PHF20L1: variants seen among roughly 807,000 people sequenced by gnomAD.
PHF20L1 encodes the protein PHD finger protein 20 like 1.
Under a neutral mutation model 125.5 loss-of-function variants are expected in PHF20L1, and 44 were observed. That is an observed-to-expected ratio of 0.35 (90% confidence interval 0.28 to 0.45). PHF20L1 has a LOEUF of 0.45. PHF20L1 is among the 20% of genes least tolerant of loss of function. PHF20L1 has a pLI of 1.00. For synonymous variants in PHF20L1, 380 were observed against 403.1 expected, an observed-to-expected ratio of 0.94 and a Z score of 0.69; for missense variants, 1,012 against 1,217.2, an observed-to-expected ratio of 0.83 and a Z score of 2.51.
chr8:132,826,046 A>G (rs1836140097), intron 14 of PHF20L1: 1 of 152,084 alleles, frequency 6.6e-6, no homozygotes, highest in Admixed American at 6.6e-5. Flanking sequence ...TGATTTAAGT[A>G]ACTTTGCTAT....
intron 2 of PHF20L1, among the ~76,000 whole-genome samples, chr8:132,790,642 A>G (rs1831580976): frequency 6.6e-6 from 1 of 152,256 alleles, no homozygotes; most frequent in Non-Finnish European, 1.5e-5. Flanking sequence ...CAATCTCTGA[A>G]CATGAGGTCT....
At chr8:132,808,391 G>A (rs1586943383) in intron 8 of PHF20L1, 1 of 151,898 alleles carries the variant, frequency 6.6e-6, no homozygotes, top group East Asian at 1.9e-4. Flanking sequence ...TACTACTTGT[G>A]GTACCTTATT....
chr8:132,847,813 G>A lies in PHF20L1; in HGVS notation c.*1890G>A, dbSNP rs867713796. The A allele has an allele frequency of 6.6e-6, 1 of 152,472 alleles. No individual in the cohort carries two copies. The highest frequency in any genetic ancestry group is 1.5e-5 in the Non-Finnish European group (1 of 67,962). The allele number at this position is 152,472 out of a possible 1,614,324, so 9.4% of individuals were successfully genotyped here. A position where few individuals can be genotyped will look rare whatever the true frequency, so the allele number is the denominator to read the frequency against. On this transcript the variant is annotated 3_prime_UTR_variant, in exon 21 of 21. Coordinates refer to ENST00000395386, the MANE Select transcript of PHF20L1 (RefSeq NM_016018.5). ...GCTTTAGCAGAGGTGGTATTGTGGG[G>A]TAATTGCTTAAATTTACATATCAAA... is the stretch of plus-strand genomic sequence containing the variant.
intron 1 of PHF20L1, 144 bp from the exon 2 acceptor site, chr8:132,777,648 A>G: frequency 1.9e-6 from 1 of 535,810 alleles, no homozygotes; most frequent in Non-Finnish European, 3.3e-6. Context: ...ATACTCCTTC[A>G]AATTTCTTAA....
intron 4 of PHF20L1, among the ~76,000 whole-genome samples, chr8:132,798,146 C>T (rs150470828): frequency 1.3e-5 from 2 of 152,088 alleles, no homozygotes; most frequent in African/African-American, 2.4e-5. Context: ...GTATTAATTA[C>T]GGCTGTGTTG....
chr8:132,798,921 A>AAAATATACATAT, intron 5 of PHF20L1, 61 bp downstream of exon 5: 1 of 1,184,524 alleles, frequency 8.4e-7, no homozygotes, highest in Non-Finnish European at 1.2e-6. Context: ...GTGACTGATC[A>AAAATATACATAT]AAATATATTT....
chr8:132,841,887 A>G (rs890371605), intron 18 of PHF20L1: 2 of 152,178 alleles, frequency 1.3e-5, no homozygotes, highest in East Asian at 1.9e-4. Context: ...CGACTGGTAC[A>G]TTTGTAACTC....
At chr8:132,794,199 G>C (rs138836359) in intron 2 of PHF20L1, among the ~76,000 whole-genome samples, 36 of 152,168 alleles carry the variant, frequency 2.4e-4, no homozygotes, top group African/African-American at 8.7e-4. Context: ...ATTTCTACTG[G>C]GAGTGTATCA....
chr8:132,821,128 C>T lies in PHF20L1; in HGVS notation c.1580-2876C>T, dbSNP rs183135004. ...GTCCCCTGAGTTTTCGGGTAGCATT[C>T]GATGAAATGCATCAGGCTTTGCTTC... On this transcript the variant is annotated intron_variant, in intron 12 of 20. Coordinates refer to ENST00000395386, the MANE Select transcript of PHF20L1 (RefSeq NM_016018.5). Among the ~76,000 whole-genome samples, 12 of 151,870 alleles carry T rather than the reference C, an allele frequency of 7.9e-5. No individual in the cohort carries two copies. The Admixed American group carries it at 7.9e-4, about 10-fold the overall frequency.
rs932619984 is a variant in PHF20L1, at chr8:132,791,172, C to T, written c.84-3238C>T. Among the ~76,000 whole-genome samples the T allele has an allele frequency of 4.6e-5, 7 of 151,656 alleles. 1 individual carries two copies. Among genetic ancestry groups the T allele is most frequent in the Admixed American group, 1.3e-4 (2 of 15,224 alleles). ...GTAAAAAACACAGAGCCTGACGTAC[C>T]TGCAATAGTAAATATTCTGATTCTT... On this transcript the variant is annotated intron_variant, in intron 2 of 20. Coordinates refer to ENST00000395386, the MANE Select transcript of PHF20L1 (RefSeq NM_016018.5).
At chr8:132,777,302 G>T (rs529311815) in intron 1 of PHF20L1, among the ~76,000 whole-genome samples, 2 of 152,224 alleles carry the variant, frequency 1.3e-5, no homozygotes, top group South Asian at 4.1e-4. Flanking sequence ...CTCCATCTTT[G>T]TGTGCTGTAG....
chr8:132,788,751 T>C (rs1325922694), intron 2 of PHF20L1: 3 of 152,172 alleles, frequency 2.0e-5, no homozygotes, highest in African/African-American at 7.2e-5. Context: ...ATCCATCAGA[T>C]TATATTTCTG....
intron 2 of PHF20L1, 69 bp from the exon 3 acceptor site, chr8:132,794,341 C>A: frequency 1.1e-6 from 1 of 903,464 alleles, no homozygotes; most frequent in Non-Finnish European, 1.7e-6. Context: ...TCAGCTAAAT[C>A]TATGTATAAT....
chr8:132,811,486 G>A (rs1834384517), intron 9 of PHF20L1: 2 of 993,214 alleles, frequency 2.0e-6, no homozygotes, highest in Non-Finnish European at 2.4e-6. Context: ...ATCGAATAAA[G>A]CTTCTTTTGT....
chr8:132,812,441 A>G (rs1309461913), intron 9 of PHF20L1: 1 of 984,884 alleles, frequency 1.0e-6, no homozygotes, highest in Non-Finnish European at 1.2e-6. Context: ...ACAGAAAACC[A>G]CGTTTTGAAA....
chr8:132,777,246 G>C (rs1392967411), intron 1 of PHF20L1, among the ~76,000 whole-genome samples: 1 of 152,160 alleles, frequency 6.6e-6, no homozygotes, highest in Non-Finnish European at 1.5e-5. Context: ...AATCCCAAGA[G>C]GAATTAGTGG....
Position 132,837,696 on chromosome 8 carries a change from C to A in PHF20L1, c.2092-16C>A, listed in dbSNP as rs1837520449. 1.9e-6 allele frequency: 3 copies of A among 1,594,356 alleles called. No individual in the cohort carries two copies. In the East Asian group the frequency reaches 6.7e-5, roughly 36 times the overall value. ...GTGAGGATCGGGTGACTGTAATACTCCTCTGTTTTCTGCAGTGTGAAGAGT... is the reference window on the plus strand; with the variant it reads ...GTGAGGATCGGGTGACTGTAATACTACTCTGTTTTCTGCAGTGTGAAGAGT... On this transcript the variant is annotated splice_polypyrimidine_tract_variant and intron_variant, in intron 16 of 20. Coordinates refer to ENST00000395386, the MANE Select transcript of PHF20L1 (RefSeq NM_016018.5).
At chr8:132,797,706 G>A (rs1053064807) in intron 4 of PHF20L1, among the ~76,000 whole-genome samples, 5 of 151,750 alleles carry the variant, frequency 3.3e-5, no homozygotes, top group Middle Eastern at 3.2e-3. Context: ...GAAATTCAAC[G>A]TTAGGCTAAT....
intron 2 of PHF20L1, among the ~76,000 whole-genome samples, chr8:132,789,207 T>G (rs1199865113): frequency 6.6e-6 from 1 of 152,194 alleles, no homozygotes; most frequent in African/African-American, 2.4e-5. Flanking sequence ...TTGGTCAGTT[T>G]CTGTTCTTAT....
Sources: allele counts gnomAD v4.1 joint callset (sites outside exome capture counted in the v4.1 genomes callset), GRCh38; gene constraint gnomAD v4.1.1; transcripts MANE v1.5; gene names NCBI Gene and HGNC (gene_info 2026-07-23, HGNC 2026-07-21).